SCUBE1: variants seen among roughly 807,000 people sequenced by gnomAD.
SCUBE1 encodes signal peptide, CUB and EGF-like domain-containing protein 1.
In SCUBE1, 59 loss-of-function variants were observed where a neutral mutation model predicts 124.4. The observed-to-expected ratio is 0.47, with a 90% CI of 0.38 to 0.59. The LOEUF is 0.59. Ranked by LOEUF, SCUBE1 falls within the 20% of genes least tolerant of loss-of-function variation. The probability of loss-of-function intolerance (pLI) is 0.00; values close to 1 mark genes in which losing one functional copy is unlikely to be tolerated. For missense variants in SCUBE1, 1,150 were observed against 1,371.2 expected, an observed-to-expected ratio of 0.84 and a Z score of 2.55; for synonymous variants, 545 against 550.9, an observed-to-expected ratio of 0.99 and a Z score of 0.15.
rs534134796 is a variant in SCUBE1 at position 43,258,126 on chromosome 22, C to T, written c.727+93G>A. On this transcript the variant is annotated intron_variant, in intron 6 of 21. Transcript: ENST00000360835. The surrounding 1 kb of genome is among the most constrained non-coding windows in gnomAD (Gnocchi z 5.0). ...CCCTGAAGCTTCCTTCCGGGGAACCCGGACGTGGCAGGGTGCTGGCCCTGC... is the reference window on the plus strand; with the variant it reads ...CCCTGAAGCTTCCTTCCGGGGAACCTGGACGTGGCAGGGTGCTGGCCCTGC... 40 of 893,832 alleles carry T rather than the reference C, an allele frequency of 4.5e-5. No individual in the cohort carries two copies. Among genetic ancestry groups the T allele is most frequent in the African/African-American group, 1.2e-4 (7 of 59,816 alleles). 55.4% of individuals were successfully genotyped at this position (893,832 alleles called of 1,614,324 possible).
Position 43,319,934 on chromosome 22 carries a change from C to T in SCUBE1, c.349+3G>A, listed in dbSNP as rs1926485984. On this transcript the variant is annotated splice_donor_region_variant and intron_variant, in intron 3 of 21. Coordinates refer to ENST00000360835, the MANE Select transcript of SCUBE1 (RefSeq NM_173050.5). ...GAGGGTAGGCTACAGCTGTATCACT[C>T]ACCCAGGCAGTTGTGTCCATCGTGT... is the stretch of plus-strand genomic sequence containing the variant. 2 of 1,614,028 alleles carry T rather than the reference C, an allele frequency of 1.2e-6. No homozygotes were observed. The highest frequency in any genetic ancestry group is 4.5e-5 in the East Asian group (2 of 44,882).
chr22:43,339,658 C>G (rs1927211004), intron 1 of SCUBE1, among the ~76,000 whole-genome samples: 1 of 128,718 alleles, frequency 7.8e-6, no homozygotes, highest in South Asian at 2.8e-4. Flanking sequence ...ATCACTCCAG[C>G]CCTCCCCCAT....
rs1923923092 is a variant in SCUBE1 at position 43,262,863 on chromosome 22, C to T, written c.485-18G>A. 3.7e-6 allele frequency: 6 copies of T among 1,602,286 alleles called. No homozygotes were observed. The highest frequency in any genetic ancestry group is 1.7e-5 in the Admixed American group (1 of 59,662). On this transcript the variant is annotated intron_variant, in intron 4 of 21. Coordinates refer to ENST00000360835, the MANE Select transcript of SCUBE1 (RefSeq NM_173050.5). ...CATACCCTCTGGGAAGAGAGACAGA[C>T]AAGAGACGGGTTGAAGACCAGGCAG...
rs368005013 is a variant in SCUBE1 at position 43,211,367 on chromosome 22, C to T, written c.2222-284G>A. ...GAGCCATTTTCAGGGAGAGCGGGGG[C>T]GATGATGTGGCCGGAGGCGTGCGGG... On this transcript the variant is annotated intron_variant, in intron 17 of 21. Coordinates refer to ENST00000360835, the MANE Select transcript of SCUBE1 (RefSeq NM_173050.5). The surrounding 1 kb of genome is among the most constrained non-coding windows in gnomAD (Gnocchi z 4.5). Among the ~76,000 whole-genome samples, 233 of 151,792 alleles carry T rather than the reference C, an allele frequency of 1.5e-3. 1 individual carries two copies. The highest frequency in any genetic ancestry group is 5.3e-3 in the African/African-American group (220 of 41,360).
At chr22:43,264,553 C>A (rs1019461619) in intron 4 of SCUBE1, among the ~76,000 whole-genome samples, 1 of 152,180 alleles carries the variant, frequency 6.6e-6, no homozygotes, top group Admixed American at 6.5e-5. Flanking sequence ...CTGGGAGCCT[C>A]CTGCCCTGGT....
intron 4 of SCUBE1, among the ~76,000 whole-genome samples, chr22:43,263,538 G>A (rs1194944983): frequency 1.3e-5 from 2 of 152,160 alleles, no homozygotes; most frequent in Non-Finnish European, 2.9e-5. Flanking sequence ...GGCTGCAGAC[G>A]GCGAACACGC....
At chr22:43,289,496 G>A (rs1925275329) in intron 4 of SCUBE1, among the ~76,000 whole-genome samples, 1 of 152,260 alleles carries the variant, frequency 6.6e-6, no homozygotes, top group Non-Finnish European at 1.5e-5. Context: ...GGCCCGTCCT[G>A]CCTTTGAGGC....
At chr22:43,213,949 G>T in intron 16 of SCUBE1, 141 bp downstream of exon 16, 1 of 908,268 alleles carries the variant, frequency 1.1e-6, no homozygotes, top group Non-Finnish European at 1.6e-6. Context: ...AAGGGTTTTG[G>T]AAACGACAAG....
chr22:43,295,909 A>C (rs1925538179), intron 3 of SCUBE1, among the ~76,000 whole-genome samples: 1 of 152,218 alleles, frequency 6.6e-6, no homozygotes, highest in South Asian at 2.1e-4. Context: ...CTTTGAGGAC[A>C]GCAGAGAGGT....
chr22:43,298,824 G>A (rs1190082182), intron 3 of SCUBE1, among the ~76,000 whole-genome samples: 3 of 152,038 alleles, frequency 2.0e-5, no homozygotes, highest in African/African-American at 4.8e-5. Context: ...AGGCTGAGGC[G>A]GGCGGATCAC....
chr22:43,276,933 T>C (rs1924545920), intron 4 of SCUBE1, among the ~76,000 whole-genome samples: 1 of 152,194 alleles, frequency 6.6e-6, no homozygotes, highest in African/African-American at 2.4e-5. Flanking sequence ...CAGCTTTTCC[T>C]GACTGCCTGC....
intron 21 of SCUBE1, among the ~76,000 whole-genome samples, chr22:43,206,679 T>C (rs138984): frequency 0.31 from 46,867 of 151,460 alleles, 7,687 homozygotes; most frequent in African/African-American, 0.4. Flanking sequence ...CTCTGGTGCG[T>C]GTGAGGAGCT....
intron 8 of SCUBE1, among the ~76,000 whole-genome samples, chr22:43,230,784 C>T (rs1024641088): frequency 6.6e-6 from 1 of 152,180 alleles, no homozygotes; most frequent in Non-Finnish European, 1.5e-5. Flanking sequence ...GGCCCTGGCC[C>T]TACTCTCGCC....
At chr22:43,217,606 C>T (rs1303680471) in intron 15 of SCUBE1, among the ~76,000 whole-genome samples, 1 of 152,206 alleles carries the variant, frequency 6.6e-6, no homozygotes, top group Non-Finnish European at 1.5e-5. Context: ...AGAGTGGTGT[C>T]TGCCAGGCCC....
At chr22:43,284,533 A>G (rs928707170) in intron 4 of SCUBE1, among the ~76,000 whole-genome samples, 7 of 152,334 alleles carry the variant, frequency 4.6e-5, no homozygotes, top group Admixed American at 6.5e-5. Context: ...TGTCTTCACT[A>G]TCAGGCAGTC....
chr22:43,248,119 T>C (rs35025119), intron 6 of SCUBE1, among the ~76,000 whole-genome samples: 13,775 of 152,176 alleles, frequency 0.091, 685 homozygotes, highest in Admixed American at 0.16. Flanking sequence ...GGCCAGAATC[T>C]AGGAGAGAGG....
intron 6 of SCUBE1, among the ~76,000 whole-genome samples, chr22:43,239,198 C>A (rs1214446490): frequency 6.6e-6 from 1 of 152,222 alleles, no homozygotes; most frequent in Non-Finnish European, 1.5e-5. Flanking sequence ...GGGATGAGTA[C>A]ACCGCAAACT....
At chr22:43,320,788 G>A (rs1204922209) in intron 2 of SCUBE1, among the ~76,000 whole-genome samples, 1 of 152,236 alleles carries the variant, frequency 6.6e-6, no homozygotes, top group Non-Finnish European at 1.5e-5. Flanking sequence ...CCAAGGCACA[G>A]TGAGGCTAAA....
At chr22:43,223,018 C>T (rs1922159145) in intron 11 of SCUBE1, 79 bp downstream of exon 11, 2 of 1,478,110 alleles carry the variant, frequency 1.4e-6, no homozygotes, top group Middle Eastern at 2.2e-4. Flanking sequence ...TCCTGGAGGA[C>T]AGCTGGGAGC....
Sources: allele counts gnomAD v4.1 joint callset (sites outside exome capture counted in the v4.1 genomes callset), GRCh38; gene constraint gnomAD v4.1.1; non-coding constraint Gnocchi (gnomAD v3.1); transcripts MANE v1.5; gene names NCBI Gene and HGNC (gene_info 2026-07-23, HGNC 2026-07-21).